The following AHRR variants were observed in gnomAD, a reference collection of about 807,000 sequenced individuals.
AHRR encodes the protein ahR repressor.
AHRR carries 28 observed loss-of-function variants against 44.0 expected under a neutral mutation model. That is an observed-to-expected ratio of 0.64 (90% CI 0.47 to 0.87). The LOEUF is 0.87. Among genes scored for constraint, AHRR ranks in the 40% least tolerant of loss-of-function variants. The pLI is 0.00. For synonymous variants in AHRR, 434 were observed against 407.0 expected (o/e 1.07, Z -0.80); for missense variants, 990 against 953.9 (o/e 1.04, Z -0.50).
rs967449788 is a variant in AHRR, at chr5:342,848, A to G, written c.-10-1045A>G. On this transcript the variant is annotated intron_variant, in intron 1 of 10. Transcript: ENST00000684583. The surrounding 1 kb of genome is among the most constrained non-coding windows in gnomAD (Gnocchi z 4.3). ...GGCAAGCTGACCAGCCTGGGCACAG[A>G]TACTGGGCTGCTCCTCAGGGGCCCC... Among the ~76,000 whole-genome samples the G allele has an allele frequency of 6.6e-6, 1 of 152,198 alleles. No individual in the cohort carries two copies. Among genetic ancestry groups the G allele is most frequent in the Non-Finnish European group, 1.5e-5 (1 of 68,024 alleles).
At chr5:363,524 C>T (rs1001992280) in intron 3 of AHRR, among the ~76,000 whole-genome samples, 1 of 152,234 alleles carries the variant, frequency 6.6e-6, no homozygotes, top group Non-Finnish European at 1.5e-5. Flanking sequence ...TGTTCAGGCA[C>T]TATGACCCCA....
chr5:408,882 T>C (rs1000945373), intron 4 of AHRR, among the ~76,000 whole-genome samples: 4 of 152,260 alleles, frequency 2.6e-5, no homozygotes, highest in African/African-American at 9.6e-5. Flanking sequence ...TTAAGCTTGG[T>C]ATCTCTAATG....
At position 395,770 on chromosome 5, in the gene AHRR, A is replaced by G. The variant is rs1465040939; in HGVS notation, c.352-17574A>G. Among the ~76,000 whole-genome samples, 1 of 152,250 alleles carries G rather than the reference A, an allele frequency of 6.6e-6. No homozygotes were observed. The highest frequency in any genetic ancestry group is 2.4e-5 in the African/African-American group (1 of 41,466). The stretch of plus-strand genomic sequence containing the variant: ...CGCCACAGGCTGCTGTCCTAAAGAA[A>G]GGCCTAGAAGCCCTCCCAGCTGGGG... On this transcript the variant is annotated intron_variant, in intron 4 of 10. Transcript: ENST00000684583. The surrounding 1 kb of genome is among the most constrained non-coding windows in gnomAD (Gnocchi z 5.3).
intron 5 of AHRR, among the ~76,000 whole-genome samples, chr5:416,005 G>C (rs1252329300): frequency 6.6e-6 from 1 of 152,236 alleles, no homozygotes; most frequent in Non-Finnish European, 1.5e-5. Context: ...AGGACCACGT[G>C]ACTGCCGGGC....
At chr5:386,888 C>T (rs915625112) in intron 4 of AHRR, among the ~76,000 whole-genome samples, 5 of 152,118 alleles carry the variant, frequency 3.3e-5, no homozygotes, top group East Asian at 1.9e-4. Flanking sequence ...GACTTCATCC[C>T]GGACACTTTT....
At chr5:363,363 T>A (rs968161178) in intron 3 of AHRR, among the ~76,000 whole-genome samples, 8 of 152,208 alleles carry the variant, frequency 5.3e-5, no homozygotes, top group Non-Finnish European at 1.2e-4. Context: ...CTGCCACAAC[T>A]GGCCAACTCA....
At chr5:330,583 A>G (rs1414205317) in intron 1 of AHRR, among the ~76,000 whole-genome samples, 1 of 152,098 alleles carries the variant, frequency 6.6e-6, no homozygotes, top group African/African-American at 2.4e-5. Flanking sequence ...CGTGTTGGGC[A>G]GGCTGGCCTC....
intron 4 of AHRR, among the ~76,000 whole-genome samples, chr5:391,075 C>T (rs1416298658): frequency 6.6e-6 from 1 of 152,124 alleles, no homozygotes; most frequent in African/African-American, 2.4e-5. Context: ...CCCAGAGAGG[C>T]TGGGATGGAC....
At chr5:331,458 C>T (rs1741908854) in intron 1 of AHRR, among the ~76,000 whole-genome samples, 1 of 152,104 alleles carries the variant, frequency 6.6e-6, no homozygotes, top group African/African-American at 2.4e-5. Context: ...GTCTCTATTT[C>T]GTTTAGCACT....
chr5:376,748 G>T, intron 4 of AHRR, 32 bp downstream of exon 4: 1 of 1,556,224 alleles, frequency 6.4e-7, no homozygotes, highest in South Asian at 1.2e-5. Context: ...TCGAACACTT[G>T]ACACTTGGTT....
rs1736858209 is a variant in AHRR, at chr5:433,904, A to T, written c.1164A>T (p.Thr388=). ...HRMLSRASGV[T]GRRETPGPTK... The stretch of plus-strand genomic sequence containing the variant: ...TGCTGAGCAGGGCCTCTGGAGTGAC[A>T]GGGCGGAGGGAGACTCCAGGACCCA... The change falls in exon 11 of 11, where the codon ACA becomes ACT. Residue 388 remains threonine, a synonymous_variant. Coordinates refer to ENST00000684583, the MANE Select transcript of AHRR (RefSeq NM_001377236.1). The T allele has an allele frequency of 3.3e-6, 5 of 1,518,894 alleles. No individual in the cohort carries two copies. The highest frequency in any genetic ancestry group is 4.4e-6 in the Non-Finnish European group (5 of 1,135,182). The allele number at this position is 1,518,894 out of a possible 1,614,324, so 94.1% of individuals were successfully genotyped here.
intron 4 of AHRR, among the ~76,000 whole-genome samples, chr5:390,395 C>G (rs879688293): frequency 5.3e-5 from 8 of 152,122 alleles, no homozygotes; most frequent in Non-Finnish European, 7.3e-5. Flanking sequence ...TCAGGATCCT[C>G]GGAGACCAGT....
intron 1 of AHRR, among the ~76,000 whole-genome samples, chr5:328,400 C>T (rs1741796964): frequency 1.3e-5 from 2 of 151,226 alleles, no homozygotes; most frequent in South Asian, 4.2e-4. Context: ...CAGAGGCACC[C>T]ATCACCATGC....
chr5:376,500 C>A, intron 3 of AHRR, 110 bp from the exon 4 acceptor site: 2 of 55,320 alleles, frequency 3.6e-5, no homozygotes, highest in South Asian at 1.3e-4. Flanking sequence ...GGCCAGATGT[C>A]AGGTGAGAAC....
Position 383,828 on chromosome 5 carries a change from G to T in AHRR, c.351+7112G>T, listed in dbSNP as rs936468182. 1.3e-5 allele frequency among the ~76,000 whole-genome samples: 2 copies of T among 152,102 alleles called. No individual in the cohort carries two copies. The highest frequency in any genetic ancestry group is 4.8e-5 in the African/African-American group (2 of 41,418). On this transcript the variant is annotated intron_variant, in intron 4 of 10. Coordinates refer to ENST00000684583, the MANE Select transcript of AHRR (RefSeq NM_001377236.1). This position sits in a 1 kb window ranked among gnomAD's most constrained non-coding sequence, Gnocchi z 4.0. ...GTCCTCCCACCCCCGGCCTCCCAAA[G>T]TGTTGAGATTACAGGTGTGAGCCAC... is the stretch of plus-strand genomic sequence containing the variant.
chr5:433,958 G>A lies in AHRR; in HGVS notation c.1218G>A (p.Lys406=), dbSNP rs1181599754. Residue 406 remains lysine, a synonymous_variant, in exon 11 of 11, where the codon AAG becomes AAA. Coordinates refer to ENST00000684583, the MANE Select transcript of AHRR (RefSeq NM_001377236.1). ...PTKPLPWTAG[K]HSEDGARPRL... ...AGCCCCTGCCCTGGACAGCGGGAAA[G>A]CACAGTGAGGATGGTGCCAGGCCGA... The A allele has an allele frequency of 6.4e-7, 1 of 1,557,174 alleles. No individual in the cohort carries two copies. Among genetic ancestry groups the A allele is most frequent in the African/African-American group, 1.4e-5 (1 of 73,612 alleles).
intron 4 of AHRR, among the ~76,000 whole-genome samples, chr5:389,924 G>C (rs1734338978): frequency 8.3e-6 from 1 of 120,772 alleles, no homozygotes; most frequent in African/African-American, 3.0e-5. Context: ...AGGGAGGGAG[G>C]GGGAGGGGGA....
Position 432,745 on chromosome 5 carries a change from G to A in AHRR, c.971-61G>A, listed in dbSNP as rs780007479. 2.7e-5 allele frequency: 43 copies of A among 1,613,022 alleles called. No individual in the cohort carries two copies. In the Middle Eastern group the frequency reaches 6.6e-4, roughly 25 times the overall value. On this transcript the variant is annotated intron_variant, in intron 9 of 10. Transcript: ENST00000684583. Reference sequence around the variant, plus strand: ...CCTGCCTTGCTGAGAACAAGCAACCGTCTTCCAGGAGCTCCTCAGCTCGCA... The same window carrying A: ...CCTGCCTTGCTGAGAACAAGCAACCATCTTCCAGGAGCTCCTCAGCTCGCA...
chr5:348,787 A>C (rs1190361571), intron 2 of AHRR, among the ~76,000 whole-genome samples: 2 of 152,240 alleles, frequency 1.3e-5, no homozygotes, highest in Non-Finnish European at 2.9e-5. Flanking sequence ...AGACTGTTAC[A>C]AATAAAGCTA....
Sources: allele counts gnomAD v4.1 joint callset (sites outside exome capture counted in the v4.1 genomes callset), GRCh38; gene constraint gnomAD v4.1.1; non-coding constraint Gnocchi (gnomAD v3.1); transcripts MANE v1.5; gene names NCBI Gene and HGNC (gene_info 2026-07-23, HGNC 2026-07-21).